The following CDH4 variants were observed in gnomAD, a reference collection of about 807,000 sequenced individuals.
CDH4 encodes the protein cadherin 4.
A neutral mutation model predicts 86.0 loss-of-function variants in CDH4; 33 were observed. That is an observed-to-expected ratio of 0.38 (90% CI 0.29 to 0.51). CDH4 has a LOEUF of 0.51. Ranked by LOEUF, CDH4 falls within the 20% of genes least tolerant of loss-of-function variation. The pLI is 0.86. For missense variants in CDH4, 1,114 were observed against 1,307.4 expected (o/e 0.85, Z 2.28); for synonymous variants, 555 against 549.4 (o/e 1.01, Z -0.14).
At chr20:61,849,945 C>T (rs1159798335) in intron 5 of CDH4, among the ~76,000 whole-genome samples, 1 of 152,214 alleles carries the variant, frequency 6.6e-6, no homozygotes, top group Non-Finnish European at 1.5e-5. Flanking sequence ...TTCCTACCTC[C>T]CCAGTGTCTT....
At chr20:61,300,920 C>G (rs1428509185) in intron 2 of CDH4, among the ~76,000 whole-genome samples, 2 of 152,228 alleles carry the variant, frequency 1.3e-5, no homozygotes. Context: ...GGAGCACCAG[C>G]CATGGGCGGC....
chr20:61,712,672 A>G (rs943395168), intron 2 of CDH4, among the ~76,000 whole-genome samples: 2 of 152,190 alleles, frequency 1.3e-5, no homozygotes, highest in African/African-American at 4.8e-5. Flanking sequence ...ACCCACTCCA[A>G]GGGACAGACC....
intron 4 of CDH4, among the ~76,000 whole-genome samples, chr20:61,843,707 A>T (rs915171601): frequency 6.1e-5 from 9 of 147,318 alleles, no homozygotes; most frequent in Non-Finnish European, 1.2e-4. Context: ...AAAAAAAAAA[A>T]TTCCTGTTCC....
intron 2 of CDH4, among the ~76,000 whole-genome samples, chr20:61,601,175 G>A (rs2086597596): frequency 6.6e-6 from 1 of 152,226 alleles, no homozygotes; most frequent in South Asian, 2.1e-4. Flanking sequence ...CATAATGGAA[G>A]GCAAAGCGGG....
intron 5 of CDH4, among the ~76,000 whole-genome samples, chr20:61,850,504 C>T (rs1982665023): frequency 6.6e-6 from 1 of 152,248 alleles, no homozygotes; most frequent in Non-Finnish European, 1.5e-5. Context: ...GAGGCGGGAG[C>T]ATTAGATCCC....
intron 2 of CDH4, among the ~76,000 whole-genome samples, chr20:61,647,657 C>A (rs1011136406): frequency 6.6e-6 from 1 of 151,394 alleles, no homozygotes; most frequent in Admixed American, 6.6e-5. Context: ...CCAGGCTGAT[C>A]CCCATCTGGG....
At chr20:61,735,976 C>CT (rs2088257983) in intron 2 of CDH4, among the ~76,000 whole-genome samples, 1 of 152,180 alleles carries the variant, frequency 6.6e-6, no homozygotes, top group African/African-American at 2.4e-5. Flanking sequence ...CCGTAGCTCT[C>CT]TTAACATTGG....
At chr20:61,363,329 G>A (rs951709489) in intron 2 of CDH4, among the ~76,000 whole-genome samples, 3 of 152,212 alleles carry the variant, frequency 2.0e-5, no homozygotes, top group African/African-American at 7.2e-5. Flanking sequence ...AGGGTTTGGG[G>A]GATATAACGG....
chr20:61,641,929 C>T (rs112890099), intron 2 of CDH4, among the ~76,000 whole-genome samples: 1 of 1,946 alleles, frequency 5.1e-4, no homozygotes. Flanking sequence ...TGGGATCAGA[C>T]GGGGCTGCCT....
At chr20:61,890,024 ATGAG>A (rs374571270) in intron 7 of CDH4, among the ~76,000 whole-genome samples, 10 of 147,188 alleles carry the variant, frequency 6.8e-5, no homozygotes, top group African/African-American at 2.3e-4. Flanking sequence ...TCAATGATGG[ATGAG>A]TGAGTGGATA....
At chr20:61,713,852 G>A (rs753888374) in intron 2 of CDH4, among the ~76,000 whole-genome samples, 1 of 152,102 alleles carries the variant, frequency 6.6e-6, no homozygotes, top group Non-Finnish European at 1.5e-5. Context: ...CTTTACCAGT[G>A]ACACCTTCTC....
At chr20:61,600,418 G>A (rs1600796119) in intron 2 of CDH4, among the ~76,000 whole-genome samples, 1 of 152,216 alleles carries the variant, frequency 6.6e-6, no homozygotes, top group African/African-American at 2.4e-5. Flanking sequence ...GGTCCTTCGG[G>A]GTCCTGGCTC....
rs1167570468 is a variant in CDH4, at chr20:61,663,339, G to C, written c.170-80224G>C. On this transcript the variant is annotated intron_variant, in intron 2 of 15. Coordinates refer to ENST00000614565, the MANE Select transcript of CDH4 (RefSeq NM_001794.5). The surrounding 1 kb of genome is among the most constrained non-coding windows in gnomAD (Gnocchi z 5.0). Reference sequence around the variant, plus strand: ...TGTGCTGCGGAGCTCCTGGGAGGGTGACGCTGGGGCAGGGGCTGCTGCGGA... The same window carrying C: ...TGTGCTGCGGAGCTCCTGGGAGGGTCACGCTGGGGCAGGGGCTGCTGCGGA... Among the ~76,000 whole-genome samples the C allele has an allele frequency of 6.6e-6, 1 of 152,266 alleles. No individual in the cohort carries two copies. Among genetic ancestry groups the C allele is most frequent in the Non-Finnish European group, 1.5e-5 (1 of 68,050 alleles).
intron 4 of CDH4, among the ~76,000 whole-genome samples, chr20:61,776,338 T>C (rs1174961822): frequency 6.6e-6 from 1 of 152,244 alleles, no homozygotes; most frequent in Non-Finnish European, 1.5e-5. Flanking sequence ...TGTCTGCTGC[T>C]GACCTTTCTA....
chr20:61,459,388 C>T (rs533459660), intron 2 of CDH4, among the ~76,000 whole-genome samples: 2 of 151,836 alleles, frequency 1.3e-5, no homozygotes, highest in East Asian at 2.0e-4. Flanking sequence ...TGAGAGGACC[C>T]CAACCCCGGG....
At chr20:61,335,890 C>T (rs548823078) in intron 2 of CDH4, among the ~76,000 whole-genome samples, 4 of 152,310 alleles carry the variant, frequency 2.6e-5, no homozygotes, top group African/African-American at 9.6e-5. Context: ...CTGATCCAAT[C>T]AGAATCATCC....
At chr20:61,585,254 C>T (rs573503997) in intron 2 of CDH4, among the ~76,000 whole-genome samples, 111 of 152,310 alleles carry the variant, frequency 7.3e-4, no homozygotes, top group African/African-American at 2.5e-3. Flanking sequence ...TCACTCCAGC[C>T]GAGGGGCTAT....
intron 2 of CDH4, among the ~76,000 whole-genome samples, chr20:61,484,463 C>T (rs1206198544): frequency 6.6e-6 from 1 of 152,224 alleles, no homozygotes; most frequent in Non-Finnish European, 1.5e-5. Context: ...GCCTGCCCCA[C>T]TCTTCATCAG....
chr20:61,591,861 A>T (rs538153972), intron 2 of CDH4, among the ~76,000 whole-genome samples: 1 of 152,150 alleles, frequency 6.6e-6, no homozygotes, highest in Non-Finnish European at 1.5e-5. Context: ...GCCTCATCAG[A>T]AAAGTCCTTC....
Sources: allele counts gnomAD v4.1 joint callset (sites outside exome capture counted in the v4.1 genomes callset), GRCh38; gene constraint gnomAD v4.1.1; non-coding constraint Gnocchi (gnomAD v3.1); transcripts MANE v1.5; gene names NCBI Gene and HGNC (gene_info 2026-07-23, HGNC 2026-07-21).